Variants in SHANK2 observed in about 807,000 individuals in gnomAD.
SHANK2 encodes the protein SH3 and multiple ankyrin repeat domains 2, also known as SH3 and multiple ankyrin repeat domains protein 2.
A neutral mutation model predicts 133.7 loss-of-function variants in SHANK2; 43 were observed. The ratio of observed to expected loss-of-function variants is 0.32; its 90% CI spans 0.25 to 0.41. The LOEUF (loss-of-function observed/expected upper bound fraction) is 0.41, where lower values mean the gene tolerates loss of function less well. Ranked by LOEUF, SHANK2 falls within the 10% of genes least tolerant of loss-of-function variation. The probability of loss-of-function intolerance (pLI) is 1.00; values close to 1 mark genes in which losing one functional copy is unlikely to be tolerated. For missense variants in SHANK2, 1,994 were observed against 2,235.8 expected (o/e 0.89, Z 2.18); for synonymous variants, 1,017 against 952.8 (o/e 1.07, Z -1.24).
At chr11:71,213,571 G>A (rs573845322) in intron 2 of SHANK2, among the ~76,000 whole-genome samples, 66 of 152,242 alleles carry the variant, frequency 4.3e-4, no homozygotes, top group African/African-American at 1.5e-3. Flanking sequence ...ATCACTGCAC[G>A]AGCCATGTGG....
chr11:71,159,420 T>C (rs1370240440), intron 2 of SHANK2, among the ~76,000 whole-genome samples: 1 of 152,026 alleles, frequency 6.6e-6, no homozygotes, highest in Non-Finnish European at 1.5e-5. Flanking sequence ...CCAAGATAAT[T>C]CCTCCCATCT....
chr11:71,147,388 A>G, intron 2 of SHANK2, 50 bp from the exon 3 acceptor site: 1 of 1,473,258 alleles, frequency 6.8e-7, no homozygotes, highest in Non-Finnish European at 9.1e-7. Flanking sequence ...TGAAAATGAA[A>G]GAAAACCCAG....
At chr11:70,898,041 C>A (rs900016608) in intron 10 of SHANK2, among the ~76,000 whole-genome samples, 5 of 149,832 alleles carry the variant, frequency 3.3e-5, no homozygotes, top group Non-Finnish European at 4.4e-5. Flanking sequence ...TGGCTCACTG[C>A]AATCTCTGCC....
chr11:70,904,516 T>TG (rs1950071973), intron 10 of SHANK2, among the ~76,000 whole-genome samples: 1 of 150,824 alleles, frequency 6.6e-6, no homozygotes, highest in Non-Finnish European at 1.5e-5. Context: ...ATGGGTTTTT[T>TG]TTTTTTTTTT....
Position 70,538,976 on chromosome 11 carries a change from G to A in SHANK2, c.2062-36045C>T, listed in dbSNP as rs2059579374. Among the ~76,000 whole-genome samples, 4 of 152,362 alleles carry A rather than the reference G, an allele frequency of 2.6e-5. No homozygotes were observed. In the South Asian group the frequency reaches 8.3e-4, roughly 32 times the overall value. Reference sequence around the variant, plus strand: ...AGCCTCCTGGGTTACCCCGTCGGCCGCCACAAGCCTGGCACCCAGGCACTA... The same window carrying A: ...AGCCTCCTGGGTTACCCCGTCGGCCACCACAAGCCTGGCACCCAGGCACTA... On this transcript the variant is annotated intron_variant, in intron 17 of 25. Coordinates refer to ENST00000601538, the MANE Select transcript of SHANK2 (RefSeq NM_012309.5).
At chr11:71,073,397 A>G (rs1225538489) in intron 9 of SHANK2, among the ~76,000 whole-genome samples, 5 of 151,486 alleles carry the variant, frequency 3.3e-5, no homozygotes, top group African/African-American at 1.2e-4. Flanking sequence ...ACCTCAAGCA[A>G]TCCGCCTGCC....
intron 4 of SHANK2, among the ~76,000 whole-genome samples, chr11:71,115,702 A>G (rs1238551273): frequency 2.0e-5 from 3 of 152,116 alleles, no homozygotes; most frequent in African/African-American, 4.8e-5. Flanking sequence ...GGCTGGCTCG[A>G]GGTTGCACAG....
intron 21 of SHANK2, chr11:70,495,963 G>A (rs1287851826): frequency 6.5e-6 from 1 of 154,662 alleles, no homozygotes; most frequent in Non-Finnish European, 1.5e-5. Context: ...AGAAACGCCT[G>A]GGCATCCCTC....
rs552920318 is a variant in SHANK2 at position 70,541,902 on chromosome 11, G to A, written c.2062-38971C>T. On this transcript the variant is annotated intron_variant, in intron 17 of 25. Transcript: ENST00000601538. ...TCTTGGAAGGCAGCCTGCAGTTCTC[G>A]TGGCAGCTGGCACAGAGCAGGACCC... 9.2e-5 allele frequency among the ~76,000 whole-genome samples: 14 copies of A among 152,342 alleles called. No individual in the cohort carries two copies. In the East Asian group the frequency reaches 1.9e-3, roughly 21 times the overall value.
At chr11:70,763,514 T>C (rs1395065077) in intron 14 of SHANK2, among the ~76,000 whole-genome samples, 1 of 152,124 alleles carries the variant, frequency 6.6e-6, no homozygotes, top group African/African-American at 2.4e-5. Context: ...TGCTCTGAGC[T>C]GCTCGGGACC....
chr11:70,951,243 T>C (rs1306157014), intron 10 of SHANK2, among the ~76,000 whole-genome samples: 2 of 151,132 alleles, frequency 1.3e-5, no homozygotes, highest in Non-Finnish European at 2.9e-5. Flanking sequence ...ATAAATTCAT[T>C]TCCCCTGGCT....
intron 3 of SHANK2, among the ~76,000 whole-genome samples, chr11:71,140,687 G>A (rs1361969016): frequency 2.0e-5 from 3 of 152,198 alleles, no homozygotes; most frequent in Non-Finnish European, 2.9e-5. Flanking sequence ...ACGCCAACCC[G>A]CAATGGCTCA....
chr11:70,658,947 C>T (rs998036509), intron 17 of SHANK2, among the ~76,000 whole-genome samples: 5 of 151,992 alleles, frequency 3.3e-5, no homozygotes, highest in South Asian at 2.1e-4. Context: ...CCAAGAAATG[C>T]GCACTCCCAA....
intron 14 of SHANK2, among the ~76,000 whole-genome samples, chr11:70,702,017 TCACCATTACCATCATCATCACCAC>T (rs1235754819): frequency 6.8e-6 from 1 of 147,368 alleles, no homozygotes; most frequent in Non-Finnish European, 1.5e-5. Flanking sequence ...ATCATCAGCA[TCACCATTACCATCATCATCACCAC>T]CACCACCATC....
intron 11 of SHANK2, among the ~76,000 whole-genome samples, chr11:70,860,813 G>A (rs548583349): frequency 4.6e-5 from 7 of 152,322 alleles, no homozygotes; most frequent in East Asian, 1.9e-4. Flanking sequence ...CCAGGACCAG[G>A]TGTTCAAGAC....
intron 10 of SHANK2, among the ~76,000 whole-genome samples, chr11:70,923,985 G>A (rs1950390626): frequency 6.6e-6 from 1 of 152,220 alleles, no homozygotes; most frequent in African/African-American, 2.4e-5. Context: ...GCCCTTGTGA[G>A]ACACTGCAGT....
intron 8 of SHANK2, among the ~76,000 whole-genome samples, chr11:71,086,515 T>C (rs1210779568): frequency 7.1e-6 from 1 of 140,630 alleles, no homozygotes; most frequent in Admixed American, 7.6e-5. Context: ...TTATTATATA[T>C]AATATATAAT....
At chr11:70,671,504 G>C (rs1555016052) in intron 15 of SHANK2, among the ~76,000 whole-genome samples, 1 of 152,212 alleles carries the variant, frequency 6.6e-6, no homozygotes. Context: ...CACTCAGCAG[G>C]GGCTGGAAGG....
chr11:70,931,448 A>C (rs10899691), intron 10 of SHANK2, among the ~76,000 whole-genome samples: 55,130 of 152,214 alleles, frequency 0.36, 14,370 homozygotes, highest in African/African-American at 0.74. Flanking sequence ...TACCCCTCCG[A>C]ACAGCCCTCA....
Sources: allele counts gnomAD v4.1 joint callset (sites outside exome capture counted in the v4.1 genomes callset), GRCh38; gene constraint gnomAD v4.1.1; transcripts MANE v1.5; gene names NCBI Gene and HGNC (gene_info 2026-07-23, HGNC 2026-07-21).